The following GABRA4 variants were observed in gnomAD, a reference collection of about 807,000 sequenced individuals.
GABRA4 encodes gamma-aminobutyric acid type A receptor subunit alpha4.
A neutral mutation model predicts 49.7 loss-of-function variants in GABRA4; 12 were observed. The ratio of observed to expected loss-of-function variants is 0.24; its 90% CI spans 0.15 to 0.39. The LOEUF (loss-of-function observed/expected upper bound fraction) is 0.39, where lower values mean the gene tolerates loss of function less well. Among genes scored for constraint, GABRA4 ranks in the 10% least tolerant of loss-of-function variants. The pLI is 1.00. For synonymous variants in GABRA4, 288 were observed against 240.2 expected, an observed-to-expected ratio of 1.20 and a Z score of -1.84; for missense variants, 506 against 686.0, an observed-to-expected ratio of 0.74 and a Z score of 2.93.
At chr4:46,977,183 A>G in intron 4 of GABRA4, 40 bp from the exon 5 acceptor site, 1 of 1,349,926 alleles carries the variant, frequency 7.4e-7, no homozygotes, top group Non-Finnish European at 1.0e-6. Flanking sequence ...CAACCCTTTT[A>G]AAGAATAATT....
At chr4:46,964,657 A>C (rs1384387331) in intron 8 of GABRA4, among the ~76,000 whole-genome samples, 1 of 151,786 alleles carries the variant, frequency 6.6e-6, no homozygotes, top group African/African-American at 2.4e-5. Flanking sequence ...ACTCACTTAA[A>C]GATGTCCACA....
intron 7 of GABRA4, 146 bp downstream of exon 7, chr4:46,970,937 A>G (rs754751880): frequency 6.0e-5 from 42 of 702,122 alleles, no homozygotes; most frequent in Non-Finnish European, 9.3e-5. Flanking sequence ...ATTACTTTGT[A>G]CTGGCTAGAT....
intron 5 of GABRA4, among the ~76,000 whole-genome samples, chr4:46,976,133 C>G (rs1311660398): frequency 1.3e-5 from 2 of 151,858 alleles, no homozygotes; most frequent in East Asian, 3.9e-4. Context: ...TTGCTGCCAT[C>G]TCAGAGAAGG....
rs750950269 is a variant in GABRA4 at position 46,928,186 on chromosome 4, A to G, written c.*39T>C. 149 of 1,463,538 alleles carry G rather than the reference A, an allele frequency of 1.0e-4. No homozygotes were observed. The highest frequency in any genetic ancestry group is 1.3e-4 in the Admixed American group (6 of 46,146). The allele number at this position is 1,463,538 out of a possible 1,614,324, so 90.7% of individuals were successfully genotyped here. ...AAAAACATTTAAAAAGACATTCTGC[A>G]TTTTCATCATCTTTTAGCAAACTAC... On this transcript the variant is annotated 3_prime_UTR_variant, in exon 9 of 9. Coordinates refer to ENST00000264318, the MANE Select transcript of GABRA4 (RefSeq NM_000809.4).
chr4:46,980,656 A>T (rs1723325430), intron 2 of GABRA4, among the ~76,000 whole-genome samples: 1 of 152,094 alleles, frequency 6.6e-6, no homozygotes, highest in African/African-American at 2.4e-5. Context: ...CAGAAAAGTT[A>T]ATTAAATTTT....
At chr4:46,990,277 A>G (rs1723697591) in intron 2 of GABRA4, among the ~76,000 whole-genome samples, 1 of 152,230 alleles carries the variant, frequency 6.6e-6, no homozygotes, top group South Asian at 2.1e-4. Flanking sequence ...GGCAGTGACA[A>G]ATTAGATGAC....
At chr4:46,962,971 A>G (rs923359107) in intron 8 of GABRA4, among the ~76,000 whole-genome samples, 1 of 151,706 alleles carries the variant, frequency 6.6e-6, no homozygotes, top group African/African-American at 2.4e-5. Flanking sequence ...ATGAATTAAG[A>G]CCACCTCAAA....
At chr4:46,982,399 A>G (rs777298471) in intron 2 of GABRA4, among the ~76,000 whole-genome samples, 7 of 152,020 alleles carry the variant, frequency 4.6e-5, no homozygotes, top group Non-Finnish European at 1.0e-4. Flanking sequence ...ACACACACAT[A>G]GCAGAGACAA....
chr4:46,988,901 G>A (rs1723638064), intron 2 of GABRA4, among the ~76,000 whole-genome samples: 1 of 152,096 alleles, frequency 6.6e-6, no homozygotes, highest in African/African-American at 2.4e-5. Context: ...TAAAATTGAT[G>A]GTCAATTCAT....
At chr4:46,961,998 C>T (rs902716324) in intron 8 of GABRA4, among the ~76,000 whole-genome samples, 2 of 151,906 alleles carry the variant, frequency 1.3e-5, no homozygotes, top group Non-Finnish European at 2.9e-5. Flanking sequence ...ACTGATGTGT[C>T]AAATGTAAAA....
rs1721013661 is a variant in GABRA4, at chr4:46,921,171, A to C, written c.*7054T>G. The C allele has an allele frequency of 6.6e-6, 1 of 151,700 alleles. No homozygotes were observed. The highest frequency in any genetic ancestry group is 2.4e-5 in the African/African-American group (1 of 41,394). 9.4% of individuals were successfully genotyped at this position (151,700 alleles called of 1,614,324 possible). On this transcript the variant is annotated 3_prime_UTR_variant, in exon 9 of 9. Transcript: ENST00000264318. ...ACGGAAGTAATTAGTGGTAGAGAAA[A>C]GCTATTAAGAAACCATAGCATTTAA...
chr4:46,969,132 G>T (rs1722862654), intron 7 of GABRA4, among the ~76,000 whole-genome samples: 1 of 151,564 alleles, frequency 6.6e-6, no homozygotes, highest in African/African-American at 2.4e-5. Context: ...GCTAATAAGT[G>T]ATAGTCCCTT....
At chr4:46,978,811 G>T (rs1723245469) in intron 3 of GABRA4, among the ~76,000 whole-genome samples, 1 of 151,054 alleles carries the variant, frequency 6.6e-6, no homozygotes, top group African/African-American at 2.4e-5. Flanking sequence ...TCTTCTCTTT[G>T]TTTAGAATGA....
intron 8 of GABRA4, among the ~76,000 whole-genome samples, chr4:46,938,975 A>G (rs567239433): frequency 6.4e-4 from 98 of 152,180 alleles, no homozygotes; most frequent in African/African-American, 2.3e-3. Flanking sequence ...TAGAGGTACT[A>G]GAGAATACAT....
intron 8 of GABRA4, among the ~76,000 whole-genome samples, chr4:46,959,333 G>A (rs898592746): frequency 5.9e-5 from 9 of 151,698 alleles, no homozygotes; most frequent in Non-Finnish European, 1.0e-4. Flanking sequence ...AGCCACTGTG[G>A]AGATCTAAGT....
At chr4:46,982,792 G>A (rs1046102726) in intron 2 of GABRA4, among the ~76,000 whole-genome samples, 2 of 152,024 alleles carry the variant, frequency 1.3e-5, no homozygotes, top group African/African-American at 4.8e-5. Flanking sequence ...TTACAGGGAA[G>A]CAAAAGTAGA....
rs1401159980 is a variant in GABRA4, at chr4:46,921,120, C to T, written c.*7105G>A. The T allele has an allele frequency of 5.3e-5, 8 of 150,620 alleles. No homozygotes were observed. Among genetic ancestry groups the T allele is most frequent in the Admixed American group, 2.0e-4 (3 of 15,096 alleles). 9.3% of individuals were successfully genotyped at this position (150,620 alleles called of 1,614,324 possible). A position where few individuals can be genotyped will look rare whatever the true frequency, so the allele number is the denominator to read the frequency against. On this transcript the variant is annotated 3_prime_UTR_variant, in exon 9 of 9. Transcript: ENST00000264318. The stretch of plus-strand genomic sequence containing the variant: ...TTTATTCAAAATTTCTTTTATATTA[C>T]GCATGGGTATTTCTTTTTTTTTTTA...
Position 46,919,645 on chromosome 4 carries a change from C to T in GABRA4, c.*8580G>A, listed in dbSNP as rs1054658540. 5.3e-5 allele frequency: 8 copies of T among 151,484 alleles called. No homozygotes were observed. Among genetic ancestry groups the T allele is most frequent in the African/African-American group, 1.9e-4 (8 of 41,394 alleles). 9.4% of individuals were successfully genotyped at this position (151,484 alleles called of 1,614,324 possible). Reference sequence around the variant, plus strand: ...ATTTTCAATTGTACAACTAAACAAACAATTTTAAAATTATTCAAGAGAAGA... The same window carrying T: ...ATTTTCAATTGTACAACTAAACAAATAATTTTAAAATTATTCAAGAGAAGA... On this transcript the variant is annotated 3_prime_UTR_variant, in exon 9 of 9. Transcript: ENST00000264318.
intron 7 of GABRA4, 50 bp downstream of exon 7, chr4:46,971,033 G>T (rs777515585): frequency 6.1e-5 from 94 of 1,538,056 alleles, no homozygotes; most frequent in Admixed American, 9.1e-5. Context: ...CATGAATCAT[G>T]AATAAAATGT....
Sources: gnomAD v4.1 joint callset for allele counts (sites outside exome capture counted in the v4.1 genomes callset) on GRCh38, gnomAD v4.1.1 for gene constraint, MANE v1.5 for transcripts, NCBI Gene and HGNC (gene_info 2026-07-23, HGNC 2026-07-21) for gene names.